OR10Q1: variants seen among roughly 807,000 people sequenced by gnomAD.
OR10Q1 encodes the protein olfactory receptor family 10 subfamily Q member 1, also known as olfactory receptor 10Q1.
For synonymous variants in OR10Q1, 211 were observed against 180.5 expected (o/e 1.17, Z -1.35); for missense variants, 435 against 414.0 (o/e 1.05, Z -0.44).
rs145814667 is a variant in OR10Q1 at position 58,228,677 on chromosome 11, G to T, written c.199C>A (p.Leu67Met). 148 of 1,614,084 alleles carry T rather than the reference G, an allele frequency of 9.2e-5. No individual in the cohort carries two copies. The African/African-American group carries it at 1.7e-3, about 18-fold the overall frequency. Residue 67 changes from leucine (L) to methionine (M), a missense_variant, in exon 1 of 1, where the codon CTG becomes ATG. Coordinates refer to ENST00000316770, the MANE Select transcript of OR10Q1 (RefSeq NM_001004471.2). Reference protein sequence around the residue: ...STLRTPMYFFLSNLSFLELCY... With the variant: ...STLRTPMYFFMSNLSFLELCY... ...AGTTCCAGGAAAGACAGGTTGGACA[G>T]GAAGAAATACATCGGGGTGCGGAGG...
In OR10Q1 at chr11:58,228,651, G is replaced by C; in HGVS notation, c.225C>G (p.Leu75=). The change falls in exon 1 of 1, where the codon CTC becomes CTG. Residue 75 remains leucine (L), a synonymous_variant. Transcript: ENST00000316770. ...FFLSNLSFLE[L]CYTTVVVPLM... is the part of the protein sequence containing the mutation. ...AGGGTACTACCACGGTGGTGTAGCAGAGTTCCAGGAAAGACAGGTTGGACA... is the reference window on the plus strand; with the variant it reads ...AGGGTACTACCACGGTGGTGTAGCACAGTTCCAGGAAAGACAGGTTGGACA... 1 of 1,614,146 alleles carries C rather than the reference G, an allele frequency of 6.2e-7. No individual in the cohort carries two copies. Among genetic ancestry groups the C allele is most frequent in the Non-Finnish European group, 8.5e-7 (1 of 1,180,046 alleles).
At position 58,228,117 on chromosome 11, in the gene OR10Q1, G is replaced by C. The variant is rs1162065095; in HGVS notation, c.759C>G (p.Val253=). The change falls in exon 1 of 1, where the codon GTC becomes GTG. Residue 253 remains valine (V), a synonymous_variant. Coordinates refer to ENST00000316770, the MANE Select transcript of OR10Q1 (RefSeq NM_001004471.2). Reference sequence around the variant, plus strand: ...GGCTGCAGCAGCCATACTGCAGCAGGACCACGGTGAGGTGGAAGGAGCAGG... The same window carrying C: ...GGCTGCAGCAGCCATACTGCAGCAGCACCACGGTGAGGTGGAAGGAGCAGG... ...FSTCSFHLTV[V]LLQYGCCSLV... is the part of the protein sequence containing the mutation. 6.2e-7 allele frequency: 1 copy of C among 1,614,214 alleles called. No individual in the cohort carries two copies.
chr11:58,228,257 C>T lies in OR10Q1; in HGVS notation c.619G>A (p.Val207Met), dbSNP rs1467390122. ...GGGATGGTCAGCACGAGGATGCTCACGACATAGAGGACAGCCTGGTGCACG... is the reference window on the plus strand; with the variant it reads ...GGGATGGTCAGCACGAGGATGCTCATGACATAGAGGACAGCCTGGTGCACG... ...IRVHQAVLYVVSILVLTIPFL... is the reference protein window; with the variant it reads ...IRVHQAVLYVMSILVLTIPFL... The change falls in exon 1 of 1, where the codon GTG becomes ATG. Residue 207 changes from valine (V) to methionine (M), a missense_variant. Physicochemically the swap from Val to Met is conservative, Grantham distance 21 (BLOSUM62 1). Transcript: ENST00000316770. 2 of 1,613,630 alleles carry T rather than the reference C, an allele frequency of 1.2e-6. No individual in the cohort carries two copies. Among genetic ancestry groups the T allele is most frequent in the Admixed American group, 1.7e-5 (1 of 60,004 alleles).
rs146817552 is a variant in OR10Q1, at chr11:58,228,207, G to A, written c.669C>T (p.Tyr223=). 2.0e-5 allele frequency: 33 copies of A among 1,614,120 alleles called. No individual in the cohort carries two copies. Among genetic ancestry groups the A allele is most frequent in the African/African-American group, 1.3e-4 (10 of 75,052 alleles). The change falls in exon 1 of 1, where the codon TAC becomes TAT. Residue 223 remains tyrosine, a synonymous_variant. Transcript: ENST00000316770. ...TIPFLLICVS[Y]VFITCAILSI... ...TCAGGATGGCACAGGTGATGAACACGTAGGAGACGCAGATGAGCAGGAAGG... is the reference window on the plus strand; with the variant it reads ...TCAGGATGGCACAGGTGATGAACACATAGGAGACGCAGATGAGCAGGAAGG...
Position 58,228,757 on chromosome 11 carries a change from A to T in OR10Q1, c.119T>A (p.Leu40Ter), listed in dbSNP as rs756678066. ...LLFLLFLLLYLMILCGNTAII... is the reference protein window; with the variant it reads ...LLFLLFLLLY Reference sequence around the variant, plus strand: ...GGCTGTGTTGCCACAGAGGATCATCAAGTAGAGGAGGAGGAAGAGAAGGAA... The same window carrying T: ...GGCTGTGTTGCCACAGAGGATCATCTAGTAGAGGAGGAGGAAGAGAAGGAA... Residue 40 changes from leucine (L) to a stop codon, truncating the protein, a stop_gained, in exon 1 of 1, where the codon TTG (leucine) becomes TAG (stop). Transcript: ENST00000316770. LOFTEE classifies it low-confidence loss of function (END_TRUNC). The T allele has an allele frequency of 3.7e-6, 6 of 1,613,892 alleles. No homozygotes were observed. Among genetic ancestry groups the T allele is most frequent in the Non-Finnish European group, 5.1e-6 (6 of 1,179,988 alleles).
In OR10Q1 at chr11:58,228,571, C is replaced by T; in HGVS notation, c.305G>A (p.Gly102Glu). ...GGTGACAAAGAAGAACATTTGGGCC[C>T]CACATCCAGCCAACGAAATGGGCTT... ...AQKPISLAGC[G>E]AQMFFFVTLG... Residue 102 changes from glycine (G) to glutamate (E), a missense_variant, in exon 1 of 1, where the codon GGG becomes GAG. Coordinates refer to ENST00000316770, the MANE Select transcript of OR10Q1 (RefSeq NM_001004471.2). 1.2e-6 allele frequency: 2 copies of T among 1,614,100 alleles called. No individual in the cohort carries two copies. Among genetic ancestry groups the T allele is most frequent in the Non-Finnish European group, 8.5e-7 (1 of 1,180,028 alleles).
In OR10Q1 at chr11:58,228,453, G is replaced by A. The variant is rs776016297; in HGVS notation, c.423C>T (p.Thr141=). 1 of 1,614,158 alleles carries A rather than the reference G, an allele frequency of 6.2e-7. No homozygotes were observed. Among genetic ancestry groups the A allele is most frequent in the Non-Finnish European group, 8.5e-7 (1 of 1,180,028 alleles). The change falls in exon 1 of 1, where the codon ACC becomes ACT. Residue 141 remains threonine, a synonymous_variant. Transcript: ENST00000316770. ...CHPLHYTLIM[T]RELCTQMLGG... is the part of the protein sequence containing the mutation. ...CCAGCATCTGCGTGCACAGCTCGCG[G>A]GTCATGATGAGGGTGTAGTGCAGCG...
At position 58,227,928 on chromosome 11, in the gene OR10Q1, A is replaced by G. The variant is rs756915657; in HGVS notation, c.948T>C (p.Ser316=). The G allele has an allele frequency of 1.9e-6, 3 of 1,610,494 alleles. No homozygotes were observed. Among genetic ancestry groups the G allele is most frequent in the South Asian group, 2.2e-5 (2 of 90,728 alleles). The change falls in exon 1 of 1, where the codon TCT becomes TCC. Residue 316 remains serine, a synonymous_variant. Coordinates refer to ENST00000316770, the MANE Select transcript of OR10Q1 (RefSeq NM_001004471.2). ...LRSAIIRKAA[S]DAN Reference sequence around the variant, plus strand: ...TGCCCCTAAGCCTTCAGTTGGCGTCAGAGGCTGCTTTACGGATAATGGCAC... The same window carrying G: ...TGCCCCTAAGCCTTCAGTTGGCGTCGGAGGCTGCTTTACGGATAATGGCAC...
In OR10Q1 at chr11:58,228,175, C is replaced by G. The variant is rs747093517; in HGVS notation, c.701G>C (p.Arg234Pro). The G allele has an allele frequency of 6.2e-7, 1 of 1,614,054 alleles. No homozygotes were observed. Among genetic ancestry groups the G allele is most frequent in the Non-Finnish European group, 8.5e-7 (1 of 1,180,004 alleles). Residue 234 changes from arginine (R) to proline (P), a missense_variant, in exon 1 of 1, where the codon CGT becomes CCT. Coordinates refer to ENST00000316770, the MANE Select transcript of OR10Q1 (RefSeq NM_001004471.2). The stretch of plus-strand genomic sequence containing the variant: ...GGCCCGGCGGCGGCCCTCGGCAGAA[C>G]GGATGCTCAGGATGGCACAGGTGAT... ...VFITCAILSI[R>P]SAEGRRRAFS... is the part of the protein sequence containing the mutation.
Position 58,228,196 on chromosome 11 carries a change from G to A in OR10Q1, c.680C>T (p.Thr227Ile). 6.2e-7 allele frequency: 1 copy of A among 1,614,166 alleles called. No individual in the cohort carries two copies. Among genetic ancestry groups the A allele is most frequent in the African/African-American group, 1.3e-5 (1 of 75,068 alleles). The change falls in exon 1 of 1, where the codon ACC becomes ATC. Residue 227 changes from threonine (T) to isoleucine (I), a missense_variant. Transcript: ENST00000316770. ...LLICVSYVFI[T>I]CAILSIRSAE... is the part of the protein sequence containing the mutation. ...AGAACGGATGCTCAGGATGGCACAGGTGATGAACACGTAGGAGACGCAGAT... is the reference window on the plus strand; with the variant it reads ...AGAACGGATGCTCAGGATGGCACAGATGATGAACACGTAGGAGACGCAGAT...
In OR10Q1 at chr11:58,228,542, C is replaced by G. The variant is rs897835614; in HGVS notation, c.334G>C (p.Gly112Arg). The change falls in exon 1 of 1, where the codon GGC becomes CGC. Residue 112 changes from glycine (G) to arginine (R), a missense_variant. Gly to Arg is a moderately radical substitution (Grantham distance 125, BLOSUM62 -2). Transcript: ENST00000316770. ...GAQMFFFVTL[G>R]STDCFLLAIM... ...GCCAAGAGGAAACAGTCCGTGCTGC[C>G]GAGGGTGACAAAGAAGAACATTTGG... 1 of 1,613,828 alleles carries G rather than the reference C, an allele frequency of 6.2e-7. No individual in the cohort carries two copies. The highest frequency in any genetic ancestry group is 1.3e-5 in the African/African-American group (1 of 74,838).
Position 58,228,350 on chromosome 11 carries a change from G to A in OR10Q1, c.526C>T (p.His176Tyr), listed in dbSNP as rs751377597. The A allele has an allele frequency of 1.9e-6, 3 of 1,613,886 alleles. No homozygotes were observed. In the African/African-American group the frequency reaches 4.0e-5, roughly 22 times the overall value. ...CAGAGGAAGTGGTTGATTTCCTGGT[G>A]GTGGCCGCAAAAGGGCAGGGTGAAG... ...LIFTLPFCGH[H>Y]QEINHFLCDV... The change falls in exon 1 of 1, where the codon CAC becomes TAC. Residue 176 changes from histidine (H) to tyrosine (Y), a missense_variant. His to Tyr is a moderately conservative substitution (Grantham distance 83). Transcript: ENST00000316770.
At position 58,228,897 on chromosome 11, in the gene OR10Q1, C is replaced by T. The variant is rs552916156; in HGVS notation, c.-22G>A. 1.2e-6 allele frequency: 2 copies of T among 1,603,700 alleles called. No homozygotes were observed. The highest frequency in any genetic ancestry group is 1.3e-5 in the African/African-American group (1 of 74,614). On this transcript the variant is annotated 5_prime_UTR_variant, in exon 1 of 1. Transcript: ENST00000316770. ...GCATGTCTTATGCAAAAGAATAGGA[C>T]GCGCTGAGCTCTTCTTGGCTGAGTT...
chr11:58,228,555 G>C lies in OR10Q1; in HGVS notation c.321C>G (p.Phe107Leu). The C allele has an allele frequency of 6.2e-7, 1 of 1,614,178 alleles. No individual in the cohort carries two copies. Among genetic ancestry groups the C allele is most frequent in the Non-Finnish European group, 8.5e-7 (1 of 1,180,030 alleles). ...SLAGCGAQMF[F>L]FVTLGSTDCF... Reference sequence around the variant, plus strand: ...AGTCCGTGCTGCCGAGGGTGACAAAGAAGAACATTTGGGCCCCACATCCAG... The same window carrying C: ...AGTCCGTGCTGCCGAGGGTGACAAACAAGAACATTTGGGCCCCACATCCAG... The change falls in exon 1 of 1, where the codon TTC (phenylalanine) becomes TTG (leucine). Residue 107 changes from phenylalanine to leucine, a missense_variant. Physicochemically the swap from Phe to Leu is conservative, Grantham distance 22. Coordinates refer to ENST00000316770, the MANE Select transcript of OR10Q1 (RefSeq NM_001004471.2).
Position 58,228,503 on chromosome 11 carries a change from C to A in OR10Q1, c.373G>T (p.Asp125Tyr). Residue 125 changes from aspartate to tyrosine, a missense_variant, in exon 1 of 1, where the codon GAC becomes TAC. Transcript: ENST00000316770. ...GGGTGGCAGATAGCCACATAGCGGTCATAGGCCATGATCGCCAAGAGGAAA... is the reference window on the plus strand; with the variant it reads ...GGGTGGCAGATAGCCACATAGCGGTAATAGGCCATGATCGCCAAGAGGAAA... ...DCFLLAIMAY[D>Y]RYVAICHPLH... The A allele has an allele frequency of 6.2e-7, 1 of 1,614,080 alleles. No homozygotes were observed. The highest frequency in any genetic ancestry group is 8.5e-7 in the Non-Finnish European group (1 of 1,180,030).
At position 58,228,694 on chromosome 11, in the gene OR10Q1, G is replaced by A. The variant is rs777067286; in HGVS notation, c.182C>T (p.Thr61Ile). The A allele has an allele frequency of 1.2e-6, 2 of 1,614,020 alleles. No homozygotes were observed. The highest frequency in any genetic ancestry group is 1.1e-5 in the South Asian group (1 of 91,080). Residue 61 changes from threonine to isoleucine, a missense_variant, in exon 1 of 1, where the codon ACC becomes ATC. Transcript: ENST00000316770. ...GTTGGACAGGAAGAAATACATCGGG[G>A]TGCGGAGGGTGCTGTGTGTGCACAC... ...WVVCTHSTLR[T>I]PMYFFLSNLS...
Position 58,228,699 on chromosome 11 carries a change from G to C in OR10Q1, c.177C>G (p.Leu59=). 1 of 1,614,010 alleles carries C rather than the reference G, an allele frequency of 6.2e-7. No homozygotes were observed. The highest frequency in any genetic ancestry group is 8.5e-7 in the Non-Finnish European group (1 of 1,179,996). ...IIWVVCTHST[L]RTPMYFFLSN... is the part of the protein sequence containing the mutation. ...ACAGGAAGAAATACATCGGGGTGCG[G>C]AGGGTGCTGTGTGTGCACACCACCC... The change falls in exon 1 of 1, where the codon CTC becomes CTG. Residue 59 remains leucine, a synonymous_variant. Transcript: ENST00000316770.
rs779818590 is a variant in OR10Q1 at position 58,228,438 on chromosome 11, C to T, written c.438G>A (p.Thr146=). The T allele has an allele frequency of 8.1e-6, 13 of 1,614,046 alleles. No homozygotes were observed. The highest frequency in any genetic ancestry group is 2.2e-5 in the East Asian group (1 of 44,852). The change falls in exon 1 of 1, where the codon ACG becomes ACA. Residue 146 remains threonine, a synonymous_variant. Coordinates refer to ENST00000316770, the MANE Select transcript of OR10Q1 (RefSeq NM_001004471.2). ...GGCCCAGGGCCCCACCCAGCATCTG[C>T]GTGCACAGCTCGCGGGTCATGATGA... ...YTLIMTRELC[T]QMLGGALGLA...
Position 58,228,188 on chromosome 11 carries a change from T to A in OR10Q1, c.688A>T (p.Ile230Phe). Residue 230 changes from isoleucine to phenylalanine, a missense_variant, in exon 1 of 1, where the codon ATC becomes TTC. Transcript: ENST00000316770. The stretch of plus-strand genomic sequence containing the variant: ...CCCTCGGCAGAACGGATGCTCAGGA[T>A]GGCACAGGTGATGAACACGTAGGAG... ...CVSYVFITCA[I>F]LSIRSAEGRR... is the part of the protein sequence containing the mutation. 6.2e-7 allele frequency: 1 copy of A among 1,614,044 alleles called. No individual in the cohort carries two copies. The highest frequency in any genetic ancestry group is 8.5e-7 in the Non-Finnish European group (1 of 1,180,002).
Sources: allele counts gnomAD v4.1 joint callset, GRCh38; gene constraint gnomAD v4.1.1; transcripts MANE v1.5; gene names NCBI Gene and HGNC (gene_info 2026-07-23, HGNC 2026-07-21).